Variants in TYMP observed in about 807,000 individuals in gnomAD.
The protein encoded by TYMP is thymidine phosphorylase, also known as gliostatin.
Under a neutral mutation model 42.3 loss-of-function variants are expected in TYMP, and 46 were observed. The observed-to-expected ratio is 1.09, with a 90% CI of 0.86 to 1.39. The LOEUF (loss-of-function observed/expected upper bound fraction) is 1.39. TYMP is among the 40% of genes most tolerant of loss of function. TYMP has a pLI of 0.00. For synonymous variants in TYMP, 363 were observed against 308.0 expected, an observed-to-expected ratio of 1.18 and a Z score of -1.87; for missense variants, 837 against 677.6, an observed-to-expected ratio of 1.24 and a Z score of -2.61.
Position 50,529,108 on chromosome 22 carries a change from C to T in TYMP, c.417+28G>A, listed in dbSNP as rs774451273. 6.8e-6 allele frequency: 11 copies of T among 1,611,644 alleles called. No individual in the cohort carries two copies. The South Asian group carries it at 1.2e-4, about 18-fold the overall frequency. On this transcript the variant is annotated intron_variant, in intron 3 of 9. Coordinates refer to ENST00000252029, the MANE Select transcript of TYMP (RefSeq NM_001953.5). ...GGTTGCTGCATGTGCGGTATAGGCT[C>T]CCGTCTGGAAAGGAGGTGGTTTCTA...
rs748400510 is a variant in TYMP, at chr22:50,527,500, C to T, written c.646+88G>A. ...GGTAGGGGGGCACACGGTCAGGTGA[C>T]GGGTAACTCCTAACGAGAGGCCCTT... On this transcript the variant is annotated intron_variant, in intron 5 of 9. Transcript: ENST00000252029. 7 of 1,598,974 alleles carry T rather than the reference C, an allele frequency of 4.4e-6. No individual in the cohort carries two copies. In the South Asian group the frequency reaches 4.4e-5, roughly 10 times the overall value.
In TYMP at chr22:50,529,684, G is replaced by A; in HGVS notation, c.26C>T (p.Thr9Ile). 9.3e-6 allele frequency: 15 copies of A among 1,611,326 alleles called. No individual in the cohort carries two copies. Among genetic ancestry groups the A allele is most frequent in the Non-Finnish European group, 1.3e-5 (15 of 1,179,416 alleles). The change falls in exon 2 of 10, where the codon ACC (threonine) becomes ATC (isoleucine). Residue 9 changes from threonine (T) to isoleucine (I), a missense_variant. By Grantham distance (89) the Thr-to-Ile change is moderately conservative. Coordinates refer to ENST00000252029, the MANE Select transcript of TYMP (RefSeq NM_001953.5). MAALMTPG[T>I]GAPPAPGDFS... ...GTCACCAGGCGCGGGTGGGGCCCCG[G>A]TTCCCGGGGTCATCAAGGCTGCCAT...
In TYMP at chr22:50,527,583, G is replaced by T. The variant is rs749412690; in HGVS notation, c.646+5C>A. On this transcript the variant is annotated splice_donor_5th_base_variant and intron_variant, in intron 5 of 9. Transcript: ENST00000252029. ...ATGCAGAAGCAGGCCATGGAGTCAG[G>T]TCACCTGTGATGAGTGGCAGGCTGT... is the stretch of plus-strand genomic sequence containing the variant. 1.1e-5 allele frequency: 17 copies of T among 1,613,858 alleles called. No individual in the cohort carries two copies. The highest frequency in any genetic ancestry group is 1.4e-5 in the Non-Finnish European group (16 of 1,180,028).
In TYMP at chr22:50,526,703, C is replaced by T. The variant is rs1050675699; in HGVS notation, c.801G>A (p.Ala267=). 4 of 1,541,110 alleles carry T rather than the reference C, an allele frequency of 2.6e-6. No homozygotes were observed. Among genetic ancestry groups the T allele is most frequent in the Non-Finnish European group, 3.5e-6 (4 of 1,147,806 alleles). The change falls in exon 7 of 10, where the codon GCG becomes GCA. Residue 267 remains alanine, a synonymous_variant. Coordinates refer to ENST00000252029, the MANE Select transcript of TYMP (RefSeq NM_001953.5). The stretch of plus-strand genomic sequence containing the variant: ...GCTTGTCCATGGCGGTCAGCGCTGC[C>T]GCGACCCGAAGCCCTAGGCTGGCTC... ...GVGASLGLRV[A]AALTAMDKPL...
chr22:50,529,421 G>A, intron 2 of TYMP, 75 bp downstream of exon 2: 1 of 1,603,014 alleles, frequency 6.2e-7, no homozygotes, highest in Non-Finnish European at 8.5e-7. Context: ...GGGCACCGTC[G>A]CACCCCCAGG....
chr22:50,525,959 T>TGGGCGGGGGTGCGGGGCCAGCA, intron 9 of TYMP, 41 bp from the exon 10 acceptor site: 2 of 1,361,410 alleles, frequency 1.5e-6, no homozygotes, highest in African/African-American at 1.6e-5. Flanking sequence ...CGGCCGGAGC[T>TGGGCGGGGGTGCGGGGCCAGCA]GGGCGGGGGT....
At position 50,529,352 on chromosome 22, in the gene TYMP, G is replaced by A; in HGVS notation, c.215-14C>T. ...TCAGCATGGCCCCTGGTATGTGGGG[G>A]TACGCGTGAGGGTGGCAGCCCACAG... On this transcript the variant is annotated splice_polypyrimidine_tract_variant and intron_variant, in intron 2 of 9. Coordinates refer to ENST00000252029, the MANE Select transcript of TYMP (RefSeq NM_001953.5). 6.2e-7 allele frequency: 1 copy of A among 1,612,712 alleles called. No homozygotes were observed. The highest frequency in any genetic ancestry group is 1.1e-5 in the South Asian group (1 of 91,064).
At chr22:50,527,949 C>CT in intron 4 of TYMP, 2 of 542,992 alleles carry the variant, frequency 3.7e-6, no homozygotes, top group South Asian at 4.3e-5. Context: ...TTTTTTTTTT[C>CT]TTCTTTTTTT....
rs377497287 is a variant in TYMP, at chr22:50,525,776, C to T, written c.1443G>A (p.Gln481=). 3.0e-4 allele frequency: 481 copies of T among 1,610,708 alleles called. No homozygotes were observed. The highest frequency in any genetic ancestry group is 3.0e-4 in the Non-Finnish European group (357 of 1,179,022). ...SPFAELVLPP[Q]Q ...GTTTCGCGGCAAAGGAGCTTTATTG[C>T]TGCGGCGGCAGAACGAGCTCTGCGA... The change falls in exon 10 of 10, where the codon CAG becomes CAA. Residue 481 remains glutamine (Q), a synonymous_variant. Transcript: ENST00000252029.
At position 50,529,568 on chromosome 22, in the gene TYMP, G is replaced by A. The variant is rs761635452; in HGVS notation, c.142C>T (p.Arg48Cys). 7 of 1,613,148 alleles carry A rather than the reference G, an allele frequency of 4.3e-6. No individual in the cohort carries two copies. The highest frequency in any genetic ancestry group is 2.2e-5 in the South Asian group (2 of 91,088). Residue 48 changes from arginine to cysteine, a missense_variant, in exon 2 of 10, where the codon CGC becomes TGC. Arg to Cys is a radical substitution (Grantham distance 180). Coordinates refer to ENST00000252029, the MANE Select transcript of TYMP (RefSeq NM_001953.5). The stretch of plus-strand genomic sequence containing the variant: ...CCCCTGATGTCCGCTTCGCTCAGGC[G>A]GCCTCCGTCTCGCTTCATGCGGATC... The part of the protein sequence containing the change: ...ELIRMKRDGG[R>C]LSEADIRGFV...
chr22:50,527,462 A>G, intron 5 of TYMP, 126 bp downstream of exon 5: 2 of 1,477,896 alleles, frequency 1.4e-6, no homozygotes, highest in Middle Eastern at 1.7e-4. Context: ...GTGGTCAGGC[A>G]TCTTGTGATG....
rs774139705 is a variant in TYMP at position 50,527,730 on chromosome 22, C to A, written c.517-13G>T. The A allele has an allele frequency of 6.2e-7, 1 of 1,611,536 alleles. No individual in the cohort carries two copies. Among genetic ancestry groups the A allele is most frequent in the African/African-American group, 1.3e-5 (1 of 74,626 alleles). On this transcript the variant is annotated splice_polypyrimidine_tract_variant and intron_variant, in intron 4 of 9. Transcript: ENST00000252029. Reference sequence around the variant, plus strand: ...GCAGCACTTGCATCTGGTCAGACATCCCCTGTTCTCAGTGACTTATGGTAA... The same window carrying A: ...GCAGCACTTGCATCTGGTCAGACATACCCTGTTCTCAGTGACTTATGGTAA...
In TYMP at chr22:50,527,301, G is replaced by A. The variant is rs567013227; in HGVS notation, c.647-18C>T. 6 of 1,591,926 alleles carry A rather than the reference G, an allele frequency of 3.8e-6. No homozygotes were observed. Among genetic ancestry groups the A allele is most frequent in the Middle Eastern group, 3.3e-4 (2 of 6,044 alleles). ...AATGGAGGCTTTGGGGGAGGCAGAGGAGGTTGGAGACAATGGAGAACCTGG... is the reference window on the plus strand; with the variant it reads ...AATGGAGGCTTTGGGGGAGGCAGAGAAGGTTGGAGACAATGGAGAACCTGG... On this transcript the variant is annotated intron_variant, in intron 5 of 9. Transcript: ENST00000252029.
Position 50,525,866 on chromosome 22 carries a change from C to G in TYMP, c.1353G>C (p.Gln451His). Residue 451 changes from glutamine (Q) to histidine (H), a missense_variant, in exon 10 of 10, where the codon CAG becomes CAC. By Grantham distance (24) the Gln-to-His change is conservative. Transcript: ENST00000252029. Reference protein sequence around the residue: ...HRDGPALSGPQSRALQEALVL... With the variant: ...HRDGPALSGPHSRALQEALVL... ...CGAGCGCCTCCTGCAGGGCGCGGCT[C>G]TGCGGGCCGCTGAGCGCGGGGCCGT... 6.3e-7 allele frequency: 1 copy of G among 1,595,044 alleles called. No individual in the cohort carries two copies. Among genetic ancestry groups the G allele is most frequent in the African/African-American group, 1.3e-5 (1 of 74,166 alleles).
rs1337382046 is a variant in TYMP, at chr22:50,526,603, C to T, written c.901G>A (p.Asp301Asn). The T allele has an allele frequency of 2.5e-6, 4 of 1,579,912 alleles. No homozygotes were observed. The highest frequency in any genetic ancestry group is 2.3e-5 in the South Asian group (2 of 86,656). The part of the protein sequence containing the change: ...LLCMDGAGPP[D>N]LRDLVTTLGG... ...AGCGTGGTGACCAGGTCCCTTAAGT[C>T]TGGCGGGCCTGCGCCGTCCATGCAG... is the stretch of plus-strand genomic sequence containing the variant. The change falls in exon 7 of 10, where the codon GAC becomes AAC. Residue 301 changes from aspartate (D) to asparagine (N), a missense_variant. Asp to Asn is a conservative substitution (Grantham distance 23). Coordinates refer to ENST00000252029, the MANE Select transcript of TYMP (RefSeq NM_001953.5).
At chr22:50,528,081 G>A (rs2069461583) in intron 4 of TYMP, 1 of 391,344 alleles carries the variant, frequency 2.6e-6, no homozygotes, top group Non-Finnish European at 4.8e-6. Context: ...GCATCGTCCC[G>A]GCTCACTGCA....
rs764275775 is a variant in TYMP, at chr22:50,525,859, C to G, written c.1360G>C (p.Ala454Pro). The G allele has an allele frequency of 1.2e-5, 20 of 1,600,176 alleles. No homozygotes were observed. Among genetic ancestry groups the G allele is most frequent in the Non-Finnish European group, 1.7e-5 (20 of 1,174,154 alleles). Residue 454 changes from alanine (A) to proline (P), a missense_variant, in exon 10 of 10, where the codon GCC becomes CCC. Transcript: ENST00000252029. ...GAGAGTACGAGCGCCTCCTGCAGGG[C>G]GCGGCTCTGCGGGCCGCTGAGCGCG... ...GPALSGPQSR[A>P]LQEALVLSDR... is the part of the protein sequence containing the mutation.
chr22:50,529,351 G>T lies in TYMP; in HGVS notation c.215-13C>A. ...ATCAGCATGGCCCCTGGTATGTGGG[G>T]GTACGCGTGAGGGTGGCAGCCCACA... On this transcript the variant is annotated splice_polypyrimidine_tract_variant and intron_variant, in intron 2 of 9. Coordinates refer to ENST00000252029, the MANE Select transcript of TYMP (RefSeq NM_001953.5). 6.2e-7 allele frequency: 1 copy of T among 1,612,792 alleles called. No individual in the cohort carries two copies. The highest frequency in any genetic ancestry group is 1.1e-5 in the South Asian group (1 of 91,052).
At chr22:50,528,640 A>C (rs1159226824) in intron 3 of TYMP, 30 bp from the exon 4 acceptor site, 3 of 1,535,362 alleles carry the variant, frequency 2.0e-6, no homozygotes, top group South Asian at 2.3e-5. Context: ...AGTACCCTGC[A>C]CAGTACCCCT....
Sources: gnomAD v4.1 joint callset for allele counts on GRCh38, gnomAD v4.1.1 for gene constraint, MANE v1.5 for transcripts, NCBI Gene and HGNC (gene_info 2026-07-23, HGNC 2026-07-21) for gene names.